The following CDH18 variants were observed in gnomAD, a reference collection of about 807,000 sequenced individuals.
The protein encoded by CDH18 is cadherin 18.
CDH18 carries 31 observed loss-of-function variants against 67.9 expected under a neutral mutation model. The ratio of observed to expected loss-of-function variants is 0.46; its 90% CI spans 0.34 to 0.62. The LOEUF is 0.62. Among genes scored for constraint, CDH18 ranks in the 20% least tolerant of loss-of-function variants. CDH18 has a pLI of 0.01. For synonymous variants in CDH18, 362 were observed against 347.2 expected (o/e 1.04, Z -0.48); for missense variants, 890 against 975.5 (o/e 0.91, Z 1.17).
chr5:19,555,855 C>A (rs12652519), intron 8 of CDH18, among the ~76,000 whole-genome samples: 4,016 of 152,210 alleles, frequency 0.026, 137 homozygotes, highest in East Asian at 0.093. Flanking sequence ...AACCAAGGAC[C>A]CTCACAGAGT....
chr5:20,510,812 T>C (rs182644032), intron 1 of CDH18, among the ~76,000 whole-genome samples: 1 of 152,240 alleles, frequency 6.6e-6, no homozygotes, highest in East Asian at 1.9e-4. Flanking sequence ...TGTCTAGCAA[T>C]TGAAAGTGTT....
intron 1 of CDH18, among the ~76,000 whole-genome samples, chr5:20,541,312 A>T (rs929229686): frequency 1.3e-5 from 2 of 152,206 alleles, no homozygotes; most frequent in Admixed American, 6.6e-5. Flanking sequence ...CAATAATTTT[A>T]CACTAAATGC....
At chr5:19,836,918 C>CAGTAAT (rs767888554) in intron 3 of CDH18, among the ~76,000 whole-genome samples, 6 of 152,004 alleles carry the variant, frequency 3.9e-5, no homozygotes, top group Non-Finnish European at 7.4e-5. Context: ...GGTATATACC[C>CAGTAAT]AAAGGATTAT....
intron 2 of CDH18, among the ~76,000 whole-genome samples, chr5:20,019,988 G>A (rs1454116768): frequency 2.0e-5 from 3 of 152,154 alleles, no homozygotes; most frequent in Non-Finnish European, 4.4e-5. Context: ...ATAGAGATGA[G>A]GACCTTACTA....
chr5:20,502,860 C>A (rs1754417001), intron 1 of CDH18, among the ~76,000 whole-genome samples: 1 of 152,112 alleles, frequency 6.6e-6, no homozygotes, highest in Non-Finnish European at 1.5e-5. Flanking sequence ...TTTGCCATGA[C>A]AAGTTCAGAA....
At chr5:19,992,618 G>T (rs974840201), upstream of CDH18, among the ~76,000 whole-genome samples, 3 of 152,126 alleles carry the variant, frequency 2.0e-5, no homozygotes. Flanking sequence ...AAAGGTATAA[G>T]ATGACTTATT....
intron 1 of CDH18, among the ~76,000 whole-genome samples, chr5:20,432,163 A>G (rs373580956): frequency 6.6e-6 from 1 of 152,168 alleles, no homozygotes; most frequent in Non-Finnish European, 1.5e-5. Context: ...GTTTAGGGGT[A>G]TTTACTGAAT....
intron 2 of CDH18, among the ~76,000 whole-genome samples, chr5:20,151,785 T>G (rs1751126468): frequency 6.6e-6 from 1 of 152,194 alleles, no homozygotes; most frequent in South Asian, 2.1e-4. Context: ...TGCAATACTT[T>G]ATTAATAAAT....
At chr5:19,739,427 C>T (rs1768808232) in intron 4 of CDH18, among the ~76,000 whole-genome samples, 1 of 152,110 alleles carries the variant, frequency 6.6e-6, no homozygotes, top group African/African-American at 2.4e-5. Context: ...CAGCTGGTAA[C>T]CAGCATCCAC....
At chr5:19,604,944 AG>A (rs1398947444) in intron 6 of CDH18, among the ~76,000 whole-genome samples, 5 of 152,040 alleles carry the variant, frequency 3.3e-5, no homozygotes, top group Non-Finnish European at 7.4e-5. Flanking sequence ...AAAGACTATT[AG>A]AAATTTTAAT....
intron 1 of CDH18, among the ~76,000 whole-genome samples, chr5:20,313,493 T>G (rs1737181048): frequency 6.6e-6 from 1 of 152,092 alleles, no homozygotes; most frequent in Non-Finnish European, 1.5e-5. Flanking sequence ...AAAAATACAC[T>G]CAATAAAGTA....
chr5:20,348,268 A>G (rs936659700), intron 1 of CDH18, among the ~76,000 whole-genome samples: 3 of 152,202 alleles, frequency 2.0e-5, no homozygotes, highest in African/African-American at 7.2e-5. Context: ...CAACAAAGAG[A>G]CATCCATTAA....
intron 2 of CDH18, among the ~76,000 whole-genome samples, chr5:19,960,975 T>C (rs1684926888): frequency 1.5e-5 from 2 of 129,608 alleles, no homozygotes; most frequent in South Asian, 5.6e-4. Context: ...TAGGCTTTTA[T>C]AAGACTGGGA....
At chr5:19,631,318 CAT>C (rs1176679914) in intron 5 of CDH18, among the ~76,000 whole-genome samples, 1 of 152,016 alleles carries the variant, frequency 6.6e-6, no homozygotes, top group East Asian at 1.9e-4. Flanking sequence ...ATAAGTGAAA[CAT>C]AATGCTTTTC....
chr5:20,569,307 A>G (rs370402933), intron 1 of CDH18, among the ~76,000 whole-genome samples: 6 of 152,216 alleles, frequency 3.9e-5, no homozygotes, highest in Admixed American at 6.5e-5. Context: ...CTACGAGCCA[A>G]TATTCTGAAT....
intron 6 of CDH18, among the ~76,000 whole-genome samples, chr5:19,599,382 T>G (rs1197353187): frequency 6.6e-6 from 1 of 152,166 alleles, no homozygotes; most frequent in African/African-American, 2.4e-5. Context: ...CAAGAATTTA[T>G]TTTTCAAGTA....
At chr5:19,789,752 A>G (rs1330909004) in intron 3 of CDH18, among the ~76,000 whole-genome samples, 2 of 152,128 alleles carry the variant, frequency 1.3e-5, no homozygotes, top group Admixed American at 6.6e-5. Context: ...ATTGTCTTAG[A>G]ATTGATGTTT....
chr5:19,767,329 A>T (rs1167472804), intron 3 of CDH18, among the ~76,000 whole-genome samples: 1 of 152,070 alleles, frequency 6.6e-6, no homozygotes, highest in Admixed American at 6.6e-5. Flanking sequence ...AGGTAATTGT[A>T]ATTATATTGT....
intron 1 of CDH18, among the ~76,000 whole-genome samples, chr5:20,412,805 T>A (rs963331418): frequency 2.6e-5 from 4 of 152,174 alleles, no homozygotes; most frequent in African/African-American, 9.7e-5. Context: ...TCAGTCAAAT[T>A]GGCTATTATT....
Sources: allele counts gnomAD v4.1 joint callset (sites outside exome capture counted in the v4.1 genomes callset), GRCh38; gene constraint gnomAD v4.1.1; transcripts MANE v1.5; gene names NCBI Gene and HGNC (gene_info 2026-07-23, HGNC 2026-07-21).